The following RASGRF1 variants were observed in gnomAD, a reference collection of about 807,000 sequenced individuals.
RASGRF1 encodes the protein ras-specific guanine nucleotide-releasing factor 1.
In RASGRF1, 40 loss-of-function variants were observed where a neutral mutation model predicts 138.7. The observed-to-expected ratio is 0.29, with a 90% confidence interval of 0.22 to 0.38. RASGRF1 has a LOEUF of 0.38. RASGRF1 is among the 10% of genes least tolerant of loss of function. RASGRF1 has a pLI of 1.00. For synonymous variants in RASGRF1, 614 were observed against 663.2 expected, an observed-to-expected ratio of 0.93 and a Z score of 1.14; for missense variants, 1,108 against 1,650.4, an observed-to-expected ratio of 0.67 and a Z score of 5.69.
chr15:79,046,610 G>T lies in RASGRF1; in HGVS notation c.878+136C>A, dbSNP rs569938305. On this transcript the variant is annotated intron_variant, in intron 5 of 26. Transcript: ENST00000558480. This position sits in a 1 kb window ranked among gnomAD's most constrained non-coding sequence, Gnocchi z 5.3. Reference sequence around the variant, plus strand: ...TGGGGTTGGTGGTTTCTAGCCACGTGATCTTGGGCACTTCTGTCCTCTCTG... The same window carrying T: ...TGGGGTTGGTGGTTTCTAGCCACGTTATCTTGGGCACTTCTGTCCTCTCTG... The T allele has an allele frequency of 3.9e-5, 55 of 1,409,630 alleles. 3 individuals are homozygous for T. The highest frequency in any genetic ancestry group is 3.2e-4 in the South Asian group (24 of 74,790). The allele number at this position is 1,409,630 out of a possible 1,614,324, so 87.3% of individuals were successfully genotyped here.
chr15:79,077,307 T>C (rs1314272463), intron 1 of RASGRF1, among the ~76,000 whole-genome samples: 1 of 152,182 alleles, frequency 6.6e-6, no homozygotes, highest in Non-Finnish European at 1.5e-5. Context: ...TTCACTTCTG[T>C]GGACAGTTTC....
At chr15:79,039,607 C>T (rs989626320) in intron 5 of RASGRF1, among the ~76,000 whole-genome samples, 4 of 152,254 alleles carry the variant, frequency 2.6e-5, no homozygotes, top group Admixed American at 2.0e-4. Context: ...GACATCTTTA[C>T]GACACACATC....
chr15:78,969,235 A>G (rs554234831), intron 26 of RASGRF1, among the ~76,000 whole-genome samples: 4 of 152,334 alleles, frequency 2.6e-5, no homozygotes, highest in East Asian at 1.9e-4. Flanking sequence ...TTTAACATTT[A>G]CTAGCACACC....
At chr15:79,031,711 C>T (rs1320011059) in intron 7 of RASGRF1, among the ~76,000 whole-genome samples, 3 of 138,608 alleles carry the variant, frequency 2.2e-5, no homozygotes, top group Non-Finnish European at 3.1e-5. Flanking sequence ...AGAGAGAGAG[C>T]GCGTGAGCAT....
At chr15:78,979,114 G>T (rs756132780) in intron 24 of RASGRF1, 3 of 1,289,936 alleles carry the variant, frequency 2.3e-6, no homozygotes, top group African/African-American at 1.5e-5. Context: ...ATGCACGGAG[G>T]GGGCAGCTCC....
intron 15 of RASGRF1, among the ~76,000 whole-genome samples, chr15:79,003,599 G>A (rs556675813): frequency 2.0e-5 from 3 of 152,290 alleles, no homozygotes; most frequent in East Asian, 1.9e-4. Context: ...GCCTCCCCCC[G>A]CAGCCTGGGC....
intron 1 of RASGRF1, among the ~76,000 whole-genome samples, chr15:79,070,691 A>G (rs1216653543): frequency 6.6e-6 from 1 of 152,224 alleles, no homozygotes; most frequent in Non-Finnish European, 1.5e-5. Flanking sequence ...GTCAAGTGAG[A>G]TAATGCTGGT....
intron 14 of RASGRF1, chr15:79,005,737 CCCTCCCTCCCTT>C: frequency 3.3e-6 from 2 of 604,164 alleles, no homozygotes; most frequent in Non-Finnish European, 4.1e-6. Context: ...CTCCCTCCCT[CCCTCCCTCCCTT>C]CCTTCCTTCC....
At chr15:79,031,580 C>T in intron 7 of RASGRF1, 71 bp from the exon 8 acceptor site, 1 of 809,600 alleles carries the variant, frequency 1.2e-6, no homozygotes, top group Non-Finnish European at 1.9e-6. Context: ...AAGGCAGGGG[C>T]AGACAGGGAG....
At chr15:78,976,479 G>A (rs11852534) in intron 24 of RASGRF1, among the ~76,000 whole-genome samples, 7,640 of 152,182 alleles carry the variant, frequency 0.05, 611 homozygotes, top group African/African-American at 0.17. Context: ...TGGGCCATAT[G>A]CGGCCCTTAG....
At chr15:79,043,946 C>T (rs2057327025) in intron 5 of RASGRF1, among the ~76,000 whole-genome samples, 1 of 152,222 alleles carries the variant, frequency 6.6e-6, no homozygotes, top group Non-Finnish European at 1.5e-5. Context: ...CGAACTTTTG[C>T]CTCTGGGTCC....
At position 79,032,410 on chromosome 15, in the gene RASGRF1, C is replaced by G; in HGVS notation, c.959-94G>C. ...GCTCCCCCAGCTACACCCAGAGAGG[C>G]CAGGGGCCAGGTTCAAGTTCCCCAC... On this transcript the variant is annotated intron_variant, in intron 6 of 26. Coordinates refer to ENST00000558480, the MANE Select transcript of RASGRF1 (RefSeq NM_001145648.3). The surrounding 1 kb of genome is among the most constrained non-coding windows in gnomAD (Gnocchi z 4.5). The G allele has an allele frequency of 8.0e-7, 1 of 1,251,818 alleles. No individual in the cohort carries two copies. The highest frequency in any genetic ancestry group is 2.1e-5 in the Admixed American group (1 of 46,738). 77.5% of individuals were successfully genotyped at this position (1,251,818 alleles called of 1,614,324 possible).
intron 1 of RASGRF1, among the ~76,000 whole-genome samples, chr15:79,071,254 C>T (rs61070154): frequency 6.6e-6 from 1 of 152,244 alleles, no homozygotes; most frequent in Non-Finnish European, 1.5e-5. Context: ...TCTAGAAAAA[C>T]TCCACCTCTT....
intron 5 of RASGRF1, among the ~76,000 whole-genome samples, chr15:79,038,006 C>T (rs1340195327): frequency 6.6e-6 from 1 of 152,090 alleles, no homozygotes; most frequent in Admixed American, 6.5e-5. Flanking sequence ...ACTCATCTGA[C>T]AGGAGGTGGA....
chr15:79,012,934 C>T (rs1303282528), intron 13 of RASGRF1, among the ~76,000 whole-genome samples: 2 of 152,194 alleles, frequency 1.3e-5, no homozygotes, highest in Non-Finnish European at 2.9e-5. Context: ...CCACCCACCT[C>T]GGCCTCCCAA....
chr15:79,011,067 C>G (rs2056785672), intron 13 of RASGRF1, among the ~76,000 whole-genome samples: 1 of 152,156 alleles, frequency 6.6e-6, no homozygotes, highest in Admixed American at 6.5e-5. Flanking sequence ...CACTTCCCAC[C>G]TATCACCCCT....
At chr15:78,969,915 A>G (rs1463286899) in intron 26 of RASGRF1, among the ~76,000 whole-genome samples, 3 of 152,330 alleles carry the variant, frequency 2.0e-5, no homozygotes, top group Admixed American at 6.5e-5. Context: ...GGACTTGCTC[A>G]ATGAATATTT....
In RASGRF1 at chr15:79,006,181, G is replaced by A. The variant is rs894780; in HGVS notation, c.2075+5C>T. 147,322 of 1,613,942 alleles carry A rather than the reference G, an allele frequency of 0.091. 7,312 individuals carry two copies. Among genetic ancestry groups the A allele is most frequent in the Middle Eastern group, 0.14 (820 of 6,058 alleles). On this transcript the variant is annotated splice_donor_5th_base_variant and intron_variant, in intron 14 of 26. Transcript: ENST00000558480. This position sits in a 1 kb window ranked among gnomAD's most constrained non-coding sequence, Gnocchi z 4.0. ...GGCATGGGAGGAGGAGGGCACCTCA[G>A]CCACCTGGCAGGAATGGCACTGATA...
In RASGRF1 at chr15:79,020,119, CAGGGG is replaced by C. The variant is rs1417665790; in HGVS notation, c.1543-20_1543-16del. ...ATGACTCCATTCTGAAAAAGAGCAG[CAGGGG>C]CTGCTTTGGATTGAGGGGTAGATAT... On this transcript the variant is annotated splice_polypyrimidine_tract_variant and intron_variant, in intron 10 of 26. Transcript: ENST00000558480. 1 of 1,613,286 alleles carries C rather than the reference CAGGGG, an allele frequency of 6.2e-7. No homozygotes were observed. Among genetic ancestry groups the C allele is most frequent in the Non-Finnish European group, 8.5e-7 (1 of 1,179,876 alleles).
Sources: allele counts gnomAD v4.1 joint callset (sites outside exome capture counted in the v4.1 genomes callset), GRCh38; gene constraint gnomAD v4.1.1; non-coding constraint Gnocchi (gnomAD v3.1); transcripts MANE v1.5; gene names NCBI Gene and HGNC (gene_info 2026-07-23, HGNC 2026-07-21).